The following CACNA2D3 variants were observed in gnomAD, a reference collection of about 807,000 sequenced individuals.
The protein encoded by CACNA2D3 is voltage-dependent calcium channel subunit alpha-2/delta-3.
In CACNA2D3, 60 loss-of-function variants were observed where a neutral mutation model predicts 160.6. The ratio of observed to expected loss-of-function variants is 0.37; its 90% CI spans 0.30 to 0.46. The LOEUF (loss-of-function observed/expected upper bound fraction) is 0.46, where lower values mean the gene tolerates loss of function less well. Ranked by LOEUF, CACNA2D3 falls within the 20% of genes least tolerant of loss-of-function variation. CACNA2D3 has a pLI of 1.00. For missense variants in CACNA2D3, 1,205 were observed against 1,365.0 expected, an observed-to-expected ratio of 0.88 and a Z score of 1.85; for synonymous variants, 558 against 492.9, an observed-to-expected ratio of 1.13 and a Z score of -1.75.
intron 17 of CACNA2D3, among the ~76,000 whole-genome samples, chr3:54,849,058 T>G (rs572042369): frequency 6.6e-6 from 1 of 152,296 alleles, no homozygotes; most frequent in East Asian, 1.9e-4. Context: ...TTTTGATTAT[T>G]CAGGTGATTC....
At chr3:54,447,199 T>C (rs1247203838) in intron 4 of CACNA2D3, among the ~76,000 whole-genome samples, 1 of 152,242 alleles carries the variant, frequency 6.6e-6, no homozygotes. Context: ...TTTTTGCTTT[T>C]CTTAAAAATT....
chr3:54,562,023 G>C (rs1208388641), intron 5 of CACNA2D3, among the ~76,000 whole-genome samples: 1 of 152,158 alleles, frequency 6.6e-6, no homozygotes, highest in Non-Finnish European at 1.5e-5. Context: ...AACAGCACAG[G>C]AAAGACCTGC....
chr3:54,906,256 A>C (rs751313625), intron 27 of CACNA2D3, among the ~76,000 whole-genome samples: 4 of 152,168 alleles, frequency 2.6e-5, no homozygotes, highest in Non-Finnish European at 4.4e-5. Context: ...GAAGGAAGGA[A>C]GGAAGGATTG....
At chr3:54,677,675 A>G (rs1700269248) in intron 11 of CACNA2D3, among the ~76,000 whole-genome samples, 1 of 152,114 alleles carries the variant, frequency 6.6e-6, no homozygotes, top group South Asian at 2.1e-4. Context: ...ATATGTTACA[A>G]ATCATGTTTT....
chr3:54,826,454 A>G (rs1470429341), intron 14 of CACNA2D3, among the ~76,000 whole-genome samples: 2 of 152,236 alleles, frequency 1.3e-5, no homozygotes, highest in Admixed American at 1.3e-4. Flanking sequence ...AGTTTCATGA[A>G]GTAGAAAATG....
intron 3 of CACNA2D3, among the ~76,000 whole-genome samples, chr3:54,321,277 G>A (rs963681666): frequency 1.1e-4 from 16 of 151,450 alleles, no homozygotes; most frequent in Non-Finnish European, 2.2e-4. Context: ...CCAAGATCGC[G>A]CCACTGCACT....
intron 11 of CACNA2D3, among the ~76,000 whole-genome samples, chr3:54,726,174 G>A (rs1047905091): frequency 5.3e-5 from 8 of 151,994 alleles, no homozygotes; most frequent in Non-Finnish European, 7.4e-5. Flanking sequence ...GCTACTAAGA[G>A]AATAAAATAC....
rs72870700 is a variant in CACNA2D3 at position 54,685,104 on chromosome 3, G to A, written c.1167+42863G>A. Among the ~76,000 whole-genome samples, 184 of 152,310 alleles carry A rather than the reference G, an allele frequency of 1.2e-3. 1 individual carries two copies. Among genetic ancestry groups the A allele is most frequent in the African/African-American group, 3.9e-3 (161 of 41,570 alleles). ...ACGAGGCTCCAGAGAACAAAAGCCT[G>A]TGGGGCATATTTCTGAGGGTGGTTC... On this transcript the variant is annotated intron_variant, in intron 11 of 37. Coordinates refer to ENST00000474759, the MANE Select transcript of CACNA2D3 (RefSeq NM_018398.3).
intron 11 of CACNA2D3, among the ~76,000 whole-genome samples, chr3:54,657,742 T>TATA (rs1341756856): frequency 6.6e-6 from 1 of 152,104 alleles, no homozygotes. Context: ...ATTGTATGTA[T>TATA]ATAAGGTCAG....
chr3:54,468,934 T>C (rs1218569159), intron 4 of CACNA2D3, among the ~76,000 whole-genome samples: 1 of 152,168 alleles, frequency 6.6e-6, no homozygotes, highest in African/African-American at 2.4e-5. Context: ...GGTTAGGGGC[T>C]TATAGATCAA....
intron 4 of CACNA2D3, among the ~76,000 whole-genome samples, chr3:54,463,144 C>T (rs1253245695): frequency 2.0e-5 from 3 of 152,034 alleles, no homozygotes; most frequent in Non-Finnish European, 2.9e-5. Flanking sequence ...CCGAGAGATC[C>T]GCTGTTAGTC....
intron 11 of CACNA2D3, among the ~76,000 whole-genome samples, chr3:54,730,031 A>G (rs903981679): frequency 4.0e-5 from 6 of 150,808 alleles, no homozygotes; most frequent in African/African-American, 1.2e-4. Context: ...ATTAGTGTTT[A>G]TGGAGGCCTT....
chr3:54,935,620 T>G (rs1400337668), intron 27 of CACNA2D3, among the ~76,000 whole-genome samples: 1 of 152,232 alleles, frequency 6.6e-6, no homozygotes, highest in Non-Finnish European at 1.5e-5. Flanking sequence ...GATTGTTTGC[T>G]CATGTTAACA....
intron 34 of CACNA2D3, among the ~76,000 whole-genome samples, chr3:55,017,693 G>T (rs1192120608): frequency 6.6e-6 from 1 of 152,142 alleles, no homozygotes; most frequent in East Asian, 1.9e-4. Flanking sequence ...CTTTAAAATT[G>T]ACATGTTGTA....
intron 35 of CACNA2D3, among the ~76,000 whole-genome samples, chr3:55,056,419 A>G (rs1373430221): frequency 6.6e-6 from 1 of 152,200 alleles, no homozygotes; most frequent in East Asian, 1.9e-4. Context: ...AACTAAAAAT[A>G]GAATTACCGT....
At chr3:54,649,747 C>A (rs1198966784) in intron 11 of CACNA2D3, among the ~76,000 whole-genome samples, 1 of 152,202 alleles carries the variant, frequency 6.6e-6, no homozygotes, top group Non-Finnish European at 1.5e-5. Flanking sequence ...TTCCCAAAGG[C>A]CCCAACTCCT....
chr3:54,403,773 T>C (rs1699520983), intron 4 of CACNA2D3, among the ~76,000 whole-genome samples: 1 of 151,664 alleles, frequency 6.6e-6, no homozygotes. Context: ...GAGAGAAGAC[T>C]CAAATATATG....
At chr3:54,527,302 G>C (rs369433309) in intron 5 of CACNA2D3, among the ~76,000 whole-genome samples, 4 of 152,318 alleles carry the variant, frequency 2.6e-5, no homozygotes, top group East Asian at 3.9e-4. Context: ...AATTGCAACT[G>C]AAGTCAGTTC....
At chr3:55,071,680 G>GAAGT (rs142226486) in intron 35 of CACNA2D3, among the ~76,000 whole-genome samples, 4,342 of 152,206 alleles carry the variant, frequency 0.029, 197 homozygotes, top group African/African-American at 0.095. Flanking sequence ...TTGATGATAG[G>GAAGT]AAGTTTTTTA....
Sources: allele counts gnomAD v4.1 joint callset (sites outside exome capture counted in the v4.1 genomes callset), GRCh38; gene constraint gnomAD v4.1.1; transcripts MANE v1.5; gene names NCBI Gene and HGNC (gene_info 2026-07-23, HGNC 2026-07-21).